MSH4: variants seen among roughly 807,000 people sequenced by gnomAD.
MSH4 encodes the protein mutS protein homolog 4.
Under a neutral mutation model 113.7 loss-of-function variants are expected in MSH4, and 106 were observed. The ratio of observed to expected loss-of-function variants is 0.93; its 90% CI spans 0.80 to 1.10. The LOEUF is 1.10. MSH4 is among the 50% of genes least tolerant of loss of function. The pLI is 0.00. For synonymous variants in MSH4, 368 were observed against 380.2 expected (o/e 0.97, Z 0.37); for missense variants, 1,061 against 1,093.7 (o/e 0.97, Z 0.42).
chr1:75,815,205 C>T, intron 5 of MSH4, 69 bp downstream of exon 5: 1 of 846,606 alleles, frequency 1.2e-6, no homozygotes, highest in Non-Finnish European at 1.8e-6. Context: ...TAAGTTATAA[C>T]TTAAGGAAAG....
chr1:75,817,846 G>A (rs1249489144), intron 6 of MSH4, among the ~76,000 whole-genome samples: 2 of 151,282 alleles, frequency 1.3e-5, no homozygotes, highest in Non-Finnish European at 2.9e-5. Context: ...CCCCTAGCCA[G>A]TTGATATGAG....
chr1:75,850,791 A>G (rs1365946917), intron 8 of MSH4, among the ~76,000 whole-genome samples: 1 of 152,112 alleles, frequency 6.6e-6, no homozygotes, highest in East Asian at 1.9e-4. Flanking sequence ...AAAATCTCCA[A>G]ATGTAATTGT....
intron 17 of MSH4, among the ~76,000 whole-genome samples, chr1:75,896,903 T>A (rs887137474): frequency 6.6e-6 from 1 of 152,158 alleles, no homozygotes; most frequent in African/African-American, 2.4e-5. Flanking sequence ...GCTTTATAAA[T>A]TTGGTTTTGT....
intron 1 of MSH4, among the ~76,000 whole-genome samples, chr1:75,800,881 C>T (rs1326613465): frequency 2.0e-5 from 3 of 152,018 alleles, no homozygotes; most frequent in Admixed American, 6.6e-5. Flanking sequence ...TTATGCTGTC[C>T]GATGTGGTAA....
At chr1:75,810,558 T>C (rs1650170280) in intron 3 of MSH4, 139 bp from the exon 4 acceptor site, 1 of 396,676 alleles carries the variant, frequency 2.5e-6, no homozygotes. Flanking sequence ...GCTAGAAACA[T>C]ATTTTAATTG....
rs1197542890 is a variant in MSH4, at chr1:75,840,563, A to C, written c.1163-7646A>C. On this transcript the variant is annotated intron_variant, in intron 7 of 19. Coordinates refer to ENST00000263187, the MANE Select transcript of MSH4 (RefSeq NM_002440.4). Reference sequence around the variant, plus strand: ...GGGATAGCTTTAGGAGATATACCTAATGCTAAATGATGAGTTAATGGGTGC... The same window carrying C: ...GGGATAGCTTTAGGAGATATACCTACTGCTAAATGATGAGTTAATGGGTGC... Among the ~76,000 whole-genome samples the C allele has an allele frequency of 2.0e-5, 3 of 146,520 alleles. No individual in the cohort carries two copies. In the East Asian group the frequency reaches 6.1e-4, roughly 30 times the overall value.
chr1:75,821,148 G>A (rs952172939), intron 6 of MSH4, among the ~76,000 whole-genome samples: 2 of 149,026 alleles, frequency 1.3e-5, no homozygotes, highest in African/African-American at 4.9e-5. Flanking sequence ...TGACCACATA[G>A]CTGGAAGTAA....
intron 14 of MSH4, among the ~76,000 whole-genome samples, chr1:75,882,175 T>C (rs1651948760): frequency 6.6e-6 from 1 of 152,134 alleles, no homozygotes; most frequent in Non-Finnish European, 1.5e-5. Flanking sequence ...CTCCTTTGCA[T>C]CAAAACTCTA....
intron 16 of MSH4, among the ~76,000 whole-genome samples, chr1:75,889,772 A>G (rs988794942): frequency 1.3e-5 from 2 of 152,024 alleles, no homozygotes; most frequent in African/African-American, 4.8e-5. Context: ...TTCTCATAGA[A>G]TTTTCACTCC....
At chr1:75,825,254 G>A (rs546672968) in intron 7 of MSH4, among the ~76,000 whole-genome samples, 5 of 151,900 alleles carry the variant, frequency 3.3e-5, no homozygotes, top group African/African-American at 9.7e-5. Flanking sequence ...TCATGATTTG[G>A]CTCTCTGCTT....
rs1650333174 is a variant in MSH4 at position 75,818,284 on chromosome 1, T to C, written c.989+1738T>C. Among the ~76,000 whole-genome samples, 3 of 152,320 alleles carry C rather than the reference T, an allele frequency of 2.0e-5. No individual in the cohort carries two copies. In the South Asian group the frequency reaches 6.2e-4, roughly 32 times the overall value. Reference sequence around the variant, plus strand: ...TTGGCCTATAAGGACTTCTATGTCCTGGCCTCTATCAACTTCTTCATTCAT... The same window carrying C: ...TTGGCCTATAAGGACTTCTATGTCCCGGCCTCTATCAACTTCTTCATTCAT... On this transcript the variant is annotated intron_variant, in intron 6 of 19. Coordinates refer to ENST00000263187, the MANE Select transcript of MSH4 (RefSeq NM_002440.4).
intron 19 of MSH4, among the ~76,000 whole-genome samples, chr1:75,907,832 T>A (rs1292947562): frequency 6.7e-6 from 1 of 150,364 alleles, no homozygotes; most frequent in Non-Finnish European, 1.5e-5. Flanking sequence ...TTCTTGTGCC[T>A]CAGCTACCCA....
intron 16 of MSH4, 95 bp downstream of exon 16, chr1:75,889,464 A>T: frequency 1.7e-6 from 1 of 600,204 alleles, no homozygotes. Context: ...AAATATGCAG[A>T]TGTTGCTTAT....
At chr1:75,811,620 T>C (rs1266802519) in intron 4 of MSH4, among the ~76,000 whole-genome samples, 2 of 152,252 alleles carry the variant, frequency 1.3e-5, no homozygotes, top group Non-Finnish European at 2.9e-5. Context: ...GCTACTCTAG[T>C]GTCTATCTGT....
intron 9 of MSH4, among the ~76,000 whole-genome samples, chr1:75,871,904 C>G (rs1651718700): frequency 6.6e-6 from 1 of 152,196 alleles, no homozygotes; most frequent in African/African-American, 2.4e-5. Flanking sequence ...AATTATTAAA[C>G]ATTTTTGCCT....
chr1:75,856,678 A>C (rs533068329), intron 8 of MSH4, among the ~76,000 whole-genome samples: 2 of 152,302 alleles, frequency 1.3e-5, no homozygotes, highest in Non-Finnish European at 2.9e-5. Context: ...TTCTTAATCC[A>C]GTCTATCACT....
At chr1:75,895,605 A>G (rs1255431888) in intron 17 of MSH4, among the ~76,000 whole-genome samples, 2 of 152,186 alleles carry the variant, frequency 1.3e-5, no homozygotes, top group East Asian at 1.9e-4. Flanking sequence ...ATATATATAC[A>G]TATATTAAAC....
At chr1:75,857,587 C>T (rs927527816) in intron 8 of MSH4, among the ~76,000 whole-genome samples, 3 of 152,138 alleles carry the variant, frequency 2.0e-5, no homozygotes, top group Non-Finnish European at 4.4e-5. Context: ...TGTCAAAGAT[C>T]AGATGGTCGT....
chr1:75,874,513 G>A (rs1651775255), intron 9 of MSH4, among the ~76,000 whole-genome samples: 1 of 151,936 alleles, frequency 6.6e-6, no homozygotes, highest in South Asian at 2.1e-4. Flanking sequence ...TATAGACAGG[G>A]GTCTCGCTAT....
Sources: allele counts gnomAD v4.1 joint callset (sites outside exome capture counted in the v4.1 genomes callset), GRCh38; gene constraint gnomAD v4.1.1; transcripts MANE v1.5; gene names NCBI Gene and HGNC (gene_info 2026-07-23, HGNC 2026-07-21).